The following IQSEC1 variants were observed in gnomAD, a reference collection of about 807,000 sequenced individuals.
IQSEC1 encodes the protein IQ motif and Sec7 domain ArfGEF 1.
IQSEC1 carries 31 observed loss-of-function variants against 91.0 expected under a neutral mutation model. That is an observed-to-expected ratio of 0.34 (90% confidence interval 0.26 to 0.46). IQSEC1 has a LOEUF of 0.46. Among genes scored for constraint, IQSEC1 ranks in the 20% least tolerant of loss-of-function variants. The pLI, the probability that IQSEC1 is intolerant of heterozygous loss-of-function variation, is 1.00. For synonymous variants in IQSEC1, 699 were observed against 662.6 expected (o/e 1.05, Z -0.84); for missense variants, 1,388 against 1,575.6 (o/e 0.88, Z 2.02).
At chr3:13,198,356 C>T (rs1213242469) in intron 1 of IQSEC1, among the ~76,000 whole-genome samples, 1 of 152,100 alleles carries the variant, frequency 6.6e-6, no homozygotes, top group Admixed American at 6.5e-5. Context: ...TGGCCGTGGG[C>T]TGTCCCCCTG....
chr3:13,200,273 A>C (rs915356843), intron 1 of IQSEC1, among the ~76,000 whole-genome samples: 41 of 150,084 alleles, frequency 2.7e-4, no homozygotes, highest in African/African-American at 7.4e-4. Context: ...CACACACACC[A>C]CACACACATA....
At chr3:13,095,716 A>T (rs1192705114) in intron 2 of IQSEC1, among the ~76,000 whole-genome samples, 1 of 152,068 alleles carries the variant, frequency 6.6e-6, no homozygotes, top group African/African-American at 2.4e-5. Context: ...GATGCTGAGC[A>T]CGCCTGTCGG....
chr3:12,941,664 G>A lies in IQSEC1; in HGVS notation c.225C>T (p.Ser75=), dbSNP rs375008321. ...CCTCCTCAGCCTGCTTGCGCAGGAT[G>A]GAGGTCGAGTGCTGCAGCTTGGGCC... The part of the protein sequence containing the change: ...TRRPKLQHST[S]ILRKQAEEEA... The change falls in exon 2 of 14, where the codon TCC becomes TCT. Residue 75 remains serine (S), a synonymous_variant. Transcript: ENST00000613206. 2 of 1,613,026 alleles carry A rather than the reference G, an allele frequency of 1.2e-6. No homozygotes were observed. The highest frequency in any genetic ancestry group is 1.7e-6 in the Non-Finnish European group (2 of 1,179,930).
At chr3:13,053,175 G>T in intron 1 of IQSEC1, 1 of 739,112 alleles carries the variant, frequency 1.4e-6, no homozygotes. Context: ...GGAAGAGAGG[G>T]GACTGGCTGT....
chr3:13,025,814 G>T (rs1441898234), intron 1 of IQSEC1, among the ~76,000 whole-genome samples: 2 of 152,190 alleles, frequency 1.3e-5, no homozygotes, highest in Non-Finnish European at 2.9e-5. Flanking sequence ...ACTCTCCCAT[G>T]CTGACCGTCA....
At chr3:13,135,922 G>C (rs1169658105) in intron 2 of IQSEC1, among the ~76,000 whole-genome samples, 1 of 152,216 alleles carries the variant, frequency 6.6e-6, no homozygotes, top group Non-Finnish European at 1.5e-5. Flanking sequence ...GTGGACATGA[G>C]AGGAGAAGCG....
At chr3:13,066,431 C>T (rs989559417) in intron 1 of IQSEC1, among the ~76,000 whole-genome samples, 7 of 152,350 alleles carry the variant, frequency 4.6e-5, no homozygotes, top group South Asian at 4.1e-4. Flanking sequence ...ACGCGCCATG[C>T]GGGAGCTCTA....
intron 2 of IQSEC1, among the ~76,000 whole-genome samples, chr3:12,938,881 T>C (rs1283234796): frequency 6.6e-6 from 1 of 152,144 alleles, no homozygotes. Context: ...CTGCATTTGT[T>C]CACCAGAGCC....
intron 1 of IQSEC1, among the ~76,000 whole-genome samples, chr3:13,045,580 T>A (rs1704463939): frequency 6.6e-6 from 1 of 152,132 alleles, no homozygotes; most frequent in African/African-American, 2.4e-5. Flanking sequence ...GAGACCCAAG[T>A]GGGCAGGAGC....
intron 1 of IQSEC1, among the ~76,000 whole-genome samples, chr3:13,187,253 G>A (rs1166266124): frequency 6.6e-6 from 1 of 152,182 alleles, no homozygotes; most frequent in Non-Finnish European, 1.5e-5. Flanking sequence ...TGGATAGACA[G>A]TCTTGTACAC....
chr3:13,149,580 C>T (rs1212325418), intron 2 of IQSEC1, among the ~76,000 whole-genome samples: 4 of 152,190 alleles, frequency 2.6e-5, no homozygotes, highest in Admixed American at 6.5e-5. Flanking sequence ...GGTGATGCAC[C>T]CTGGGAAATC....
chr3:12,991,534 ACCTG>A (rs1413952071), intron 1 of IQSEC1, among the ~76,000 whole-genome samples: 11 of 151,932 alleles, frequency 7.2e-5, no homozygotes, highest in African/African-American at 2.7e-4. Context: ...CCCACTCCCC[ACCTG>A]CCTAATTATG....
Position 13,282,883 on chromosome 3 carries a change from G to C in IQSEC1, c.100C>G (p.Arg34Gly), listed in dbSNP as rs1033856729. ...TGGCGCTCCAGCTCCTCGATGCGCC[G>C]TCGCCGGCGCGCCAGCAGCTCCTGC... The change falls in exon 1 of 16, where the codon CGG becomes GGG. Residue 34 changes from arginine to glycine, a missense_variant. Physicochemically the swap from Arg to Gly is moderately radical, Grantham distance 125. Coordinates refer to the IQSEC1 transcript ENST00000648114. This position sits in a 1 kb window ranked among gnomAD's most constrained non-coding sequence, Gnocchi z 6.4. Among the ~76,000 whole-genome samples the C allele has an allele frequency of 6.8e-6, 1 of 147,610 alleles. No homozygotes were observed. Among genetic ancestry groups the C allele is most frequent in the Admixed American group, 6.7e-5 (1 of 14,896 alleles).
At position 12,899,441 on chromosome 3, in the gene IQSEC1, A is replaced by T. The variant is rs778647247; in HGVS notation, c.*1542T>A. On this transcript the variant is annotated 3_prime_UTR_variant, in exon 14 of 14. Coordinates refer to ENST00000613206, the MANE Select transcript of IQSEC1 (RefSeq NM_001134382.3). ...GTGGCTCGAAAGGCTGAAACTACAA[A>T]GTATGGCCCGTGGGTGACTCGGGCA... 1.1e-5 allele frequency: 18 copies of T among 1,609,196 alleles called. No homozygotes were observed. The highest frequency in any genetic ancestry group is 1.4e-5 in the Non-Finnish European group (17 of 1,178,494).
chr3:12,984,150 C>T (rs1434794719), intron 1 of IQSEC1, among the ~76,000 whole-genome samples: 1 of 152,200 alleles, frequency 6.6e-6, no homozygotes, highest in Non-Finnish European at 1.5e-5. Flanking sequence ...CAGGCTGGGT[C>T]TAACTCAAGC....
At chr3:13,032,732 C>T (rs552592974) in intron 1 of IQSEC1, among the ~76,000 whole-genome samples, 220 of 152,164 alleles carry the variant, frequency 1.4e-3, no homozygotes, top group Middle Eastern at 3.4e-3. Context: ...TACAGGCGCC[C>T]GCCACCACAC....
upstream of IQSEC1, among the ~76,000 whole-genome samples, chr3:13,078,185 C>T (rs1270556962): frequency 1.3e-5 from 2 of 152,130 alleles, no homozygotes; most frequent in Non-Finnish European, 2.9e-5. Flanking sequence ...AGTCCTGCTC[C>T]CCTGGGGAGA....
intron 1 of IQSEC1, among the ~76,000 whole-genome samples, chr3:13,194,740 A>G (rs954256617): frequency 6.6e-6 from 1 of 152,138 alleles, no homozygotes; most frequent in Non-Finnish European, 1.5e-5. Context: ...CCTTCCTAAC[A>G]GACCTGACCC....
intron 2 of IQSEC1, among the ~76,000 whole-genome samples, chr3:13,130,979 AAG>A (rs1373789545): frequency 6.8e-6 from 1 of 147,474 alleles, no homozygotes; most frequent in African/African-American, 2.5e-5. Context: ...GAAGGAAAGA[AAG>A]AGAGAGAGAA....
Sources: allele counts gnomAD v4.1 joint callset (sites outside exome capture counted in the v4.1 genomes callset), GRCh38; gene constraint gnomAD v4.1.1; non-coding constraint Gnocchi (gnomAD v3.1); transcripts MANE v1.5; gene names NCBI Gene and HGNC (gene_info 2026-07-23, HGNC 2026-07-21).